PTPN3: variants seen among roughly 807,000 people sequenced by gnomAD.
PTPN3 encodes tyrosine-protein phosphatase non-receptor type 3.
PTPN3 carries 96 observed loss-of-function variants against 132.7 expected under a neutral mutation model. The observed-to-expected ratio is 0.72, with a 90% CI of 0.61 to 0.86. The LOEUF (loss-of-function observed/expected upper bound fraction) is 0.86. Among genes scored for constraint, PTPN3 ranks in the 40% least tolerant of loss-of-function variants. The probability of loss-of-function intolerance (pLI) is 0.00; values close to 1 mark genes in which losing one functional copy is unlikely to be tolerated. For missense variants in PTPN3, 1,125 were observed against 1,159.6 expected, an observed-to-expected ratio of 0.97 and a Z score of 0.43; for synonymous variants, 398 against 429.0, an observed-to-expected ratio of 0.93 and a Z score of 0.89.
At chr9:109,406,408 C>G (rs1200686115) in intron 18 of PTPN3, 54 bp downstream of exon 18, 1 of 1,573,554 alleles carries the variant, frequency 6.4e-7, no homozygotes. Context: ...CTGGAGCAGG[C>G]GCAGCTTGGC....
At chr9:109,394,665 C>T (rs1040429574) in intron 19 of PTPN3, among the ~76,000 whole-genome samples, 43 of 151,922 alleles carry the variant, frequency 2.8e-4, no homozygotes, top group African/African-American at 1.0e-3. Flanking sequence ...TAAATTTATA[C>T]AAATTATACA....
chr9:109,391,529 G>A lies in PTPN3; in HGVS notation c.1986C>T (p.Ile662=). 1 of 1,614,000 alleles carries A rather than the reference G, an allele frequency of 6.2e-7. No individual in the cohort carries two copies. The highest frequency in any genetic ancestry group is 1.3e-5 in the African/African-American group (1 of 75,040). ...AATTTTGAGGCAGCTTTGCAAACGT[G>A]ATGGCCAAACCTGGCTTTTTTCTGT... The part of the protein sequence containing the change: ...QLYRKKPGLA[I]TFAKLPQNLD... The change falls in exon 20 of 26, where the codon ATC becomes ATT. Residue 662 remains isoleucine (I), a synonymous_variant. Transcript: ENST00000374541.
intron 14 of PTPN3, 120 bp from the exon 15 acceptor site, chr9:109,410,535 A>G: frequency 1.8e-6 from 2 of 1,122,004 alleles, no homozygotes; most frequent in Non-Finnish European, 2.5e-6. Flanking sequence ...CCTCAGCTGC[A>G]TAGGTTGTCA....
rs558521252 is a variant in PTPN3, at chr9:109,473,447, C to A, written c.-17-9996G>T. Among the ~76,000 whole-genome samples, 6 of 152,310 alleles carry A rather than the reference C, an allele frequency of 3.9e-5. No homozygotes were observed. In the South Asian group the frequency reaches 1.2e-3, roughly 32 times the overall value. On this transcript the variant is annotated intron_variant, in intron 1 of 25. Transcript: ENST00000374541. ...TTTATTTATAGGTTCGACACCATGA[C>A]ACTTGCAAAACTAACAAAATAAAAG...
intron 19 of PTPN3, among the ~76,000 whole-genome samples, chr9:109,400,060 T>C (rs1840956173): frequency 6.6e-6 from 1 of 151,988 alleles, no homozygotes; most frequent in Non-Finnish European, 1.5e-5. Flanking sequence ...CCCGAGTAGC[T>C]GGGACCACAG....
At chr9:109,416,443 TTTTG>T (rs1047013868) in intron 14 of PTPN3, among the ~76,000 whole-genome samples, 4 of 141,370 alleles carry the variant, frequency 2.8e-5, no homozygotes, top group African/African-American at 5.2e-5. Flanking sequence ...TTTTTTGTTT[TTTTG>T]TTTCTTTTTT....
intron 22 of PTPN3, among the ~76,000 whole-genome samples, chr9:109,384,798 C>T (rs1178625244): frequency 1.3e-5 from 2 of 152,246 alleles, no homozygotes; most frequent in African/African-American, 4.8e-5. Flanking sequence ...CCTCTCTATT[C>T]TTACTTTCAA....
At chr9:109,450,744 G>C in intron 5 of PTPN3, 4 of 985,402 alleles carry the variant, frequency 4.1e-6, no homozygotes, top group Non-Finnish European at 4.8e-6. Flanking sequence ...TTAGAATACA[G>C]GATAGTTCTT....
chr9:109,477,384 T>C (rs769560674), intron 1 of PTPN3, among the ~76,000 whole-genome samples: 1 of 152,202 alleles, frequency 6.6e-6, no homozygotes, highest in African/African-American at 2.4e-5. Flanking sequence ...ATCTGGGTAT[T>C]TATCACCATA....
intron 22 of PTPN3, among the ~76,000 whole-genome samples, chr9:109,383,788 C>T (rs559178665): frequency 4.6e-5 from 7 of 152,210 alleles, no homozygotes; most frequent in East Asian, 1.9e-4. Context: ...AGGAGGAGGA[C>T]GCAGCGTCTT....
At chr9:109,391,321 C>A in intron 20 of PTPN3, 122 bp from the exon 21 acceptor site, 1 of 1,269,834 alleles carries the variant, frequency 7.9e-7, no homozygotes. Flanking sequence ...CACTATTCCC[C>A]AACTGTTCCG....
chr9:109,394,743 C>T (rs1840423188), intron 19 of PTPN3, among the ~76,000 whole-genome samples: 1 of 152,150 alleles, frequency 6.6e-6, no homozygotes, highest in Non-Finnish European at 1.5e-5. Flanking sequence ...TGTAAAGACA[C>T]AATCTTGTGT....
rs796429521 is a variant in PTPN3, at chr9:109,407,536, A to C, written c.1635+785T>G. Among the ~76,000 whole-genome samples the C allele has an allele frequency of 2.1e-4, 32 of 152,328 alleles. 1 individual carries two copies. The highest frequency in any genetic ancestry group is 7.5e-4 in the African/African-American group (31 of 41,566). On this transcript the variant is annotated intron_variant, in intron 17 of 25. Transcript: ENST00000374541. Reference sequence around the variant, plus strand: ...AAAATTACTTGATATTATTTTAAAAACAATAAAATAAATTTATTTTATTTT... The same window carrying C: ...AAAATTACTTGATATTATTTTAAAACCAATAAAATAAATTTATTTTATTTT...
chr9:109,498,162 GGCCC>G lies in PTPN3; in HGVS notation c.-18+53_-18+56del, dbSNP rs1847769022. On this transcript the variant is annotated intron_variant, in intron 1 of 25. Transcript: ENST00000374541. The surrounding 1 kb of genome is among the most constrained non-coding windows in gnomAD (Gnocchi z 4.2). ...GCGGGGTGGCGCCGAGCGCGACCCCGGCCCCCGGCAGCCCCGCACCCTGCCCCCG... is the reference window on the plus strand; with the variant it reads ...GCGGGGTGGCGCCGAGCGCGACCCCGCCGGCAGCCCCGCACCCTGCCCCCG... 3 of 146,070 alleles carry G rather than the reference GGCCC, an allele frequency of 2.1e-5. No homozygotes were observed. Among genetic ancestry groups the G allele is most frequent in the Non-Finnish European group, 4.6e-5 (3 of 65,738 alleles). 9.0% of individuals were successfully genotyped at this position (146,070 alleles called of 1,614,324 possible). A position where few individuals can be genotyped will look rare whatever the true frequency, so the allele number is the denominator to read the frequency against.
At chr9:109,430,349 T>C (rs1210382402) in intron 10 of PTPN3, among the ~76,000 whole-genome samples, 1 of 152,092 alleles carries the variant, frequency 6.6e-6, no homozygotes, top group African/African-American at 2.4e-5. Flanking sequence ...TATACAGGGG[T>C]AGGAGGGCCT....
At chr9:109,509,088 T>A in the PTPN3 span, among the ~76,000 whole-genome samples, 1 of 152,194 alleles carries the variant, frequency 6.6e-6, no homozygotes, top group African/African-American at 2.4e-5. Context: ...TCCACCTGTA[T>A]TGCTGAGTGA....
intron 1 of PTPN3, among the ~76,000 whole-genome samples, chr9:109,473,966 A>G (rs1311623278): frequency 2.6e-5 from 4 of 151,290 alleles, no homozygotes; most frequent in African/African-American, 9.7e-5. Context: ...AGTGTCAAAC[A>G]GCACACCCCC....
intron 19 of PTPN3, among the ~76,000 whole-genome samples, chr9:109,395,022 C>T (rs1840452456): frequency 1.3e-5 from 2 of 152,068 alleles, no homozygotes; most frequent in African/African-American, 4.8e-5. Context: ...CGCCTGTAGT[C>T]CCAGCTACTC....
intron 22 of PTPN3, among the ~76,000 whole-genome samples, chr9:109,388,981 T>C (rs1190815333): frequency 2.0e-5 from 3 of 152,256 alleles, no homozygotes; most frequent in Middle Eastern, 3.4e-3. Flanking sequence ...TGCAGGGGTG[T>C]TGGGGCACAT....
Sources: allele counts gnomAD v4.1 joint callset (sites outside exome capture counted in the v4.1 genomes callset), GRCh38; gene constraint gnomAD v4.1.1; non-coding constraint Gnocchi (gnomAD v3.1); transcripts MANE v1.5; gene names NCBI Gene and HGNC (gene_info 2026-07-23, HGNC 2026-07-21).